TASP1: variants seen among roughly 807,000 people sequenced by gnomAD.
The protein encoded by TASP1 is taspase 1.
A neutral mutation model predicts 56.6 loss-of-function variants in TASP1; 16 were observed. That is an observed-to-expected ratio of 0.28 (90% CI 0.19 to 0.43). TASP1 has a LOEUF of 0.43. Among genes scored for constraint, TASP1 ranks in the 20% least tolerant of loss-of-function variants. The probability of loss-of-function intolerance (pLI) is 1.00; values close to 1 mark genes in which losing one functional copy is unlikely to be tolerated. For missense variants in TASP1, 393 were observed against 511.6 expected (o/e 0.77, Z 2.24); for synonymous variants, 179 against 184.2 (o/e 0.97, Z 0.23).
the TASP1 span, among the ~76,000 whole-genome samples, chr20:13,283,084 A>G: frequency 6.6e-6 from 1 of 152,098 alleles, no homozygotes; most frequent in Non-Finnish European, 1.5e-5. Flanking sequence ...CCTGTTGCCC[A>G]GGCTGGAGTG....
At chr20:13,328,349 A>G in the TASP1 span, among the ~76,000 whole-genome samples, 1 of 152,346 alleles carries the variant, frequency 6.6e-6, no homozygotes, top group South Asian at 2.1e-4. Flanking sequence ...ACCCTGTTAC[A>G]TTGTTGGTGG....
chr20:13,476,892 T>C (rs2042968036), intron 11 of TASP1, among the ~76,000 whole-genome samples: 1 of 152,106 alleles, frequency 6.6e-6, no homozygotes, highest in Non-Finnish European at 1.5e-5. Context: ...GAATACATTT[T>C]CTTAGGAATC....
At chr20:13,186,073 T>G in the TASP1 span, among the ~76,000 whole-genome samples, 1 of 152,084 alleles carries the variant, frequency 6.6e-6, no homozygotes, top group Non-Finnish European at 1.5e-5. Flanking sequence ...AATAGTAATT[T>G]TGGTGAATTT....
intron 13 of TASP1, among the ~76,000 whole-genome samples, chr20:13,406,896 G>A (rs1486022782): frequency 1.3e-5 from 2 of 152,030 alleles, no homozygotes; most frequent in African/African-American, 4.8e-5. Flanking sequence ...TCGAGCTCCT[G>A]ACCTGGTGAT....
chr20:13,349,903 T>C, the TASP1 span, among the ~76,000 whole-genome samples: 1 of 152,218 alleles, frequency 6.6e-6, no homozygotes, highest in Admixed American at 6.5e-5. Context: ...GTAATCCTAG[T>C]ACTTTCAGAG....
chr20:13,554,797 T>C (rs976173060), intron 8 of TASP1, among the ~76,000 whole-genome samples: 3 of 152,334 alleles, frequency 2.0e-5, no homozygotes, highest in Admixed American at 6.5e-5. Flanking sequence ...AAAATGTTAC[T>C]CATCTGAACC....
the TASP1 span, among the ~76,000 whole-genome samples, chr20:13,258,687 G>T: frequency 6.6e-6 from 1 of 152,096 alleles, no homozygotes; most frequent in East Asian, 1.9e-4. Flanking sequence ...ATTCTCGTTG[G>T]TGAGAACAAC....
chr20:13,382,511 TG>T, the TASP1 span, among the ~76,000 whole-genome samples: 2 of 152,144 alleles, frequency 1.3e-5, no homozygotes, highest in African/African-American at 4.8e-5. Flanking sequence ...CTGGGTATCA[TG>T]GTGTACACCT....
At chr20:13,144,753 ATG>A in the TASP1 span, among the ~76,000 whole-genome samples, 142,049 of 151,576 alleles carry the variant, frequency 0.94, 66,658 homozygotes, top group East Asian at 1. Flanking sequence ...GAGGTCTACT[ATG>A]TGTGTGTGTG....
chr20:13,311,649 T>C, the TASP1 span, among the ~76,000 whole-genome samples: 2 of 152,182 alleles, frequency 1.3e-5, no homozygotes, highest in Admixed American at 6.5e-5. Flanking sequence ...ATGGATGAAC[T>C]TGGAGGACAT....
chr20:13,225,011 A>AT, the TASP1 span, among the ~76,000 whole-genome samples: 1 of 132,260 alleles, frequency 7.6e-6, no homozygotes, highest in Non-Finnish European at 1.7e-5. Flanking sequence ...ACGCCCGGCT[A>AT]ATTTTTTTTT....
the TASP1 span, among the ~76,000 whole-genome samples, chr20:13,332,712 A>G: frequency 6.6e-6 from 1 of 152,214 alleles, no homozygotes; most frequent in Non-Finnish European, 1.5e-5. Context: ...AGATTATCCT[A>G]CCTTTTCCAC....
At position 13,572,083 on chromosome 20, in the gene TASP1, T is replaced by C. The variant is rs535163942; in HGVS notation, c.489-2497A>G. Among the ~76,000 whole-genome samples the C allele has an allele frequency of 3.6e-4, 55 of 152,348 alleles. 2 individuals are homozygous for C. The highest frequency in any genetic ancestry group is 2.0e-3 in the Admixed American group (30 of 15,300). Reference sequence around the variant, plus strand: ...ACCTTCTAACATATTACATAATTGATAATTTACACATTGTATCTGTTAGTT... The same window carrying C: ...ACCTTCTAACATATTACATAATTGACAATTTACACATTGTATCTGTTAGTT... On this transcript the variant is annotated intron_variant, in intron 6 of 13. Transcript: ENST00000337743.
intron 13 of TASP1, among the ~76,000 whole-genome samples, chr20:13,406,363 T>C (rs2041920798): frequency 6.6e-6 from 1 of 152,262 alleles, no homozygotes; most frequent in South Asian, 2.1e-4. Context: ...TTTTATAGTT[T>C]TCAGGGAACA....
At chr20:13,635,407 A>G (rs1461690860) in intron 1 of TASP1, among the ~76,000 whole-genome samples, 2 of 97,978 alleles carry the variant, frequency 2.0e-5, no homozygotes, top group South Asian at 5.6e-4. Context: ...TTTTTTTTTG[A>G]GACACAGTCT....
chr20:13,245,707 C>G, the TASP1 span, among the ~76,000 whole-genome samples: 1 of 152,240 alleles, frequency 6.6e-6, no homozygotes, highest in East Asian at 1.9e-4. Context: ...TTTCTCATTT[C>G]TCTCCTTTCA....
chr20:13,632,006 C>T (rs141542443), intron 1 of TASP1, among the ~76,000 whole-genome samples: 2,470 of 151,738 alleles, frequency 0.016, 37 homozygotes, highest in Non-Finnish European at 0.021. Context: ...GAGCTGCGAT[C>T]GCGCCACTGC....
chr20:13,254,522 T>C, the TASP1 span, among the ~76,000 whole-genome samples: 9 of 152,202 alleles, frequency 5.9e-5, no homozygotes, highest in African/African-American at 1.9e-4. Context: ...CTGCTCTCTG[T>C]TGCTTTGCCA....
chr20:13,411,228 G>T (rs1334240827), intron 13 of TASP1, among the ~76,000 whole-genome samples: 1 of 152,072 alleles, frequency 6.6e-6, no homozygotes, highest in African/African-American at 2.4e-5. Flanking sequence ...AGGTTTGCAA[G>T]GTATTCTGAA....
Sources: gnomAD v4.1 joint callset for allele counts (sites outside exome capture counted in the v4.1 genomes callset) on GRCh38, gnomAD v4.1.1 for gene constraint, MANE v1.5 for transcripts, NCBI Gene and HGNC (gene_info 2026-07-23, HGNC 2026-07-21) for gene names.